Variants in LRP1B observed in about 807,000 individuals in gnomAD.
The protein encoded by LRP1B is low-density lipoprotein receptor-related protein 1B.
A neutral mutation model predicts 556.6 loss-of-function variants in LRP1B; 217 were observed. That is an observed-to-expected ratio of 0.39 (90% CI 0.35 to 0.44). LRP1B has a LOEUF of 0.44. LRP1B is among the 20% of genes least tolerant of loss of function. LRP1B has a pLI of 1.00. For synonymous variants in LRP1B, 2,047 were observed against 1,865.8 expected, an observed-to-expected ratio of 1.10 and a Z score of -2.50; for missense variants, 5,053 against 5,620.8, an observed-to-expected ratio of 0.90 and a Z score of 3.23.
At chr2:141,554,153 A>G (rs974011026) in intron 2 of LRP1B, among the ~76,000 whole-genome samples, 6 of 145,682 alleles carry the variant, frequency 4.1e-5, no homozygotes, top group Admixed American at 2.8e-4. Context: ...AGACATAGAT[A>G]TAGATTATAT....
chr2:141,642,837 A>T (rs925808708), intron 2 of LRP1B, among the ~76,000 whole-genome samples: 1 of 152,150 alleles, frequency 6.6e-6, no homozygotes, highest in Non-Finnish European at 1.5e-5. Context: ...TTAAAATGAC[A>T]AGGTCCATTT....
At position 141,212,428 on chromosome 2, in the gene LRP1B, A is replaced by G. The variant is rs1339066857; in HGVS notation, c.850+16755T>C. Among the ~76,000 whole-genome samples, 7 of 148,900 alleles carry G rather than the reference A, an allele frequency of 4.7e-5. No homozygotes were observed. In the East Asian group the frequency reaches 8.0e-4, roughly 17 times the overall value. On this transcript the variant is annotated intron_variant, in intron 6 of 90. Transcript: ENST00000389484. ...CAAGTAGCTGGGACTACAGGCTTCC[A>G]CCACCACGCCCGGATAATTTTTTTT...
intron 66 of LRP1B, among the ~76,000 whole-genome samples, chr2:140,417,210 G>A (rs528449161): frequency 2.4e-4 from 37 of 152,188 alleles, no homozygotes; most frequent in African/African-American, 6.7e-4. Context: ...AAATGTGTCC[G>A]CACTGACAGC....
At chr2:141,432,311 C>A (rs1336851751) in intron 3 of LRP1B, among the ~76,000 whole-genome samples, 1 of 152,040 alleles carries the variant, frequency 6.6e-6, no homozygotes, top group Admixed American at 6.6e-5. Context: ...GGTATATAAT[C>A]TATGTTATAT....
chr2:141,975,304 G>C (rs557145986), intron 1 of LRP1B, among the ~76,000 whole-genome samples: 1 of 152,142 alleles, frequency 6.6e-6, no homozygotes, highest in African/African-American at 2.4e-5. Flanking sequence ...TTTTGTTTGA[G>C]TGTATGTGCT....
intron 2 of LRP1B, among the ~76,000 whole-genome samples, chr2:141,657,381 T>C (rs1052029319): frequency 1.3e-5 from 2 of 152,132 alleles, no homozygotes; most frequent in African/African-American, 4.8e-5. Context: ...AAATAAATTT[T>C]ATTCTTGGCT....
At chr2:141,881,105 A>G (rs1189222766) in intron 1 of LRP1B, among the ~76,000 whole-genome samples, 1 of 152,106 alleles carries the variant, frequency 6.6e-6, no homozygotes, top group Non-Finnish European at 1.5e-5. Context: ...AGGTTTAAAG[A>G]ATATCAATCT....
chr2:141,942,134 G>T (rs767399163), intron 1 of LRP1B, among the ~76,000 whole-genome samples: 11 of 151,960 alleles, frequency 7.2e-5, no homozygotes, highest in Non-Finnish European at 1.5e-4. Flanking sequence ...AAAATTCTTC[G>T]GTTAAAATAT....
At chr2:140,359,814 T>G (rs1351037773) in intron 72 of LRP1B, among the ~76,000 whole-genome samples, 1 of 151,590 alleles carries the variant, frequency 6.6e-6, no homozygotes, top group African/African-American at 2.4e-5. Context: ...ACTCAGCTCT[T>G]TATCATCTCG....
rs149256480 is a variant in LRP1B, at chr2:141,111,162, A to G, written c.1014-48889T>C. Among the ~76,000 whole-genome samples, 1,174 of 152,302 alleles carry G rather than the reference A, an allele frequency of 7.7e-3. 16 individuals are homozygous for G. Among genetic ancestry groups the G allele is most frequent in the South Asian group, 0.041 (199 of 4,826 alleles). On this transcript the variant is annotated intron_variant, in intron 7 of 90. Coordinates refer to ENST00000389484, the MANE Select transcript of LRP1B (RefSeq NM_018557.3). ...GTTTGACCATAATGCAATAAAAATAAAATAAAAATATCAAAAATGTCAGAA... is the reference window on the plus strand; with the variant it reads ...GTTTGACCATAATGCAATAAAAATAGAATAAAAATATCAAAAATGTCAGAA...
intron 7 of LRP1B, among the ~76,000 whole-genome samples, chr2:141,083,243 G>A (rs1399659506): frequency 6.6e-6 from 1 of 151,946 alleles, no homozygotes; most frequent in African/African-American, 2.4e-5. Flanking sequence ...TATTACTGTT[G>A]TTTGAGAAGT....
At chr2:140,852,547 CA>C (rs1468127220) in intron 27 of LRP1B, among the ~76,000 whole-genome samples, 1 of 152,184 alleles carries the variant, frequency 6.6e-6, no homozygotes, top group Non-Finnish European at 1.5e-5. Flanking sequence ...ACTACTGGTA[CA>C]TATATACCTT....
chr2:141,624,507 G>A (rs1486772335), intron 2 of LRP1B, among the ~76,000 whole-genome samples: 1 of 151,914 alleles, frequency 6.6e-6, no homozygotes, highest in Non-Finnish European at 1.5e-5. Flanking sequence ...TTATTGCCTT[G>A]GGAAAAAAGA....
chr2:140,738,770 CA>C (rs1194141240), intron 35 of LRP1B, among the ~76,000 whole-genome samples: 1 of 152,158 alleles, frequency 6.6e-6, no homozygotes, highest in Non-Finnish European at 1.5e-5. Flanking sequence ...TCTCCCCAAC[CA>C]ACCTCATACA....
At chr2:141,217,865 G>A (rs1160039021) in intron 6 of LRP1B, among the ~76,000 whole-genome samples, 2 of 151,876 alleles carry the variant, frequency 1.3e-5, no homozygotes, top group African/African-American at 4.8e-5. Flanking sequence ...AATCTTTAAG[G>A]AACTTTAAGG....
chr2:141,969,035 G>T (rs930804713), intron 1 of LRP1B, among the ~76,000 whole-genome samples: 3 of 150,554 alleles, frequency 2.0e-5, no homozygotes, highest in African/African-American at 7.3e-5. Context: ...TCTAAAGTTT[G>T]CCTATATTAT....
intron 1 of LRP1B, among the ~76,000 whole-genome samples, chr2:141,959,773 G>C (rs942965378): frequency 4.0e-5 from 6 of 151,882 alleles, no homozygotes; most frequent in African/African-American, 1.4e-4. Context: ...TACAACGACA[G>C]AATATCTCAA....
chr2:141,521,850 A>G (rs114058846), intron 2 of LRP1B, among the ~76,000 whole-genome samples: 1 of 152,144 alleles, frequency 6.6e-6, no homozygotes, highest in Non-Finnish European at 1.5e-5. Flanking sequence ...ATTTAATTAC[A>G]GTTAAATTTG....
At chr2:140,613,450 T>C (rs1278379658) in intron 41 of LRP1B, among the ~76,000 whole-genome samples, 2 of 145,536 alleles carry the variant, frequency 1.4e-5, no homozygotes, top group Non-Finnish European at 3.0e-5. Context: ...TATAAATATA[T>C]ATATATCTCC....
Sources: allele counts gnomAD v4.1 joint callset (sites outside exome capture counted in the v4.1 genomes callset), GRCh38; gene constraint gnomAD v4.1.1; transcripts MANE v1.5; gene names NCBI Gene and HGNC (gene_info 2026-07-23, HGNC 2026-07-21).